Variants in ANKRD26 observed in about 807,000 individuals in gnomAD.
The protein encoded by ANKRD26 is ankyrin repeat domain-containing protein 26.
Under a neutral mutation model 208.7 loss-of-function variants are expected in ANKRD26, and 141 were observed. The observed-to-expected ratio is 0.68, with a 90% CI of 0.59 to 0.78. The LOEUF is 0.78. Among genes scored for constraint, ANKRD26 ranks in the 30% least tolerant of loss-of-function variants. The probability of loss-of-function intolerance (pLI) is 0.00; values close to 1 mark genes in which losing one functional copy is unlikely to be tolerated. For missense variants in ANKRD26, 1,889 were observed against 1,938.7 expected (o/e 0.97, Z 0.48); for synonymous variants, 636 against 660.4 (o/e 0.96, Z 0.57).
the ANKRD26 span, among the ~76,000 whole-genome samples, chr10:26,950,005 T>G: frequency 6.6e-6 from 1 of 152,236 alleles, no homozygotes; most frequent in African/African-American, 2.4e-5. Flanking sequence ...GCATTCTGCA[T>G]TTTTCTGATT....
At chr10:27,000,652 T>C (rs1435093634), downstream of ANKRD26, among the ~76,000 whole-genome samples, 1 of 152,062 alleles carries the variant, frequency 6.6e-6, no homozygotes, top group African/African-American at 2.4e-5. Context: ...GAATCAAAAG[T>C]ATCAAATAAC....
At chr10:27,027,453 G>A (rs1029858251) in intron 27 of ANKRD26, among the ~76,000 whole-genome samples, 4 of 152,116 alleles carry the variant, frequency 2.6e-5, no homozygotes, top group Admixed American at 2.6e-4. Context: ...TCAGACAATT[G>A]TACACCATAT....
intron 11 of ANKRD26, among the ~76,000 whole-genome samples, chr10:27,065,461 C>T (rs1319725721): frequency 6.6e-6 from 1 of 152,024 alleles, no homozygotes; most frequent in Non-Finnish European, 1.5e-5. Flanking sequence ...AAACTTATAC[C>T]CCAAATTAGA....
chr10:27,028,422 C>T (rs1256362214), intron 27 of ANKRD26, among the ~76,000 whole-genome samples: 1 of 151,692 alleles, frequency 6.6e-6, no homozygotes, highest in Non-Finnish European at 1.5e-5. Flanking sequence ...CGGTGAAACC[C>T]TGTCTCTACT....
chr10:26,958,452 C>G, the ANKRD26 span, among the ~76,000 whole-genome samples: 1 of 152,098 alleles, frequency 6.6e-6, no homozygotes, highest in African/African-American at 2.4e-5. Flanking sequence ...CTCCCCTTAA[C>G]CCCCTACAGG....
rs758118059 is a variant in ANKRD26, at chr10:27,017,655, T to C, written c.4353A>G (p.Lys1451=). ...QKKCEKLQKN[K]KKLEQEVINL... is the part of the protein sequence containing the mutation. ...TGATCACTTCTTGTTCCAACTTCTT[T>C]TTATTCTTCTGTAGTTTTTCACATT... The change falls in exon 30 of 34, where the codon AAA becomes AAG. Residue 1451 remains lysine, a synonymous_variant. Coordinates refer to ENST00000376087, the MANE Select transcript of ANKRD26 (RefSeq NM_014915.3). The C allele has an allele frequency of 6.2e-7, 1 of 1,613,664 alleles. No homozygotes were observed. Among genetic ancestry groups the C allele is most frequent in the Non-Finnish European group, 8.5e-7 (1 of 1,179,852 alleles).
chr10:27,008,877 T>C (rs922786125), intron 32 of ANKRD26, among the ~76,000 whole-genome samples: 1 of 152,194 alleles, frequency 6.6e-6, no homozygotes, highest in Admixed American at 6.5e-5. Context: ...TCTCACTCTG[T>C]TGCCCAGGCT....
chr10:27,003,843 T>C (rs2052781748), downstream of ANKRD26, among the ~76,000 whole-genome samples: 2 of 152,220 alleles, frequency 1.3e-5, no homozygotes, highest in Non-Finnish European at 2.9e-5. Flanking sequence ...ACTCAGGAAC[T>C]ATCCCAGATA....
In ANKRD26 at chr10:27,005,223, G is replaced by C; in HGVS notation, c.*367C>G. 1 of 1,007,166 alleles carries C rather than the reference G, an allele frequency of 9.9e-7. No homozygotes were observed. 62.4% of individuals were successfully genotyped at this position (1,007,166 alleles called of 1,614,324 possible). On this transcript the variant is annotated 3_prime_UTR_variant, in exon 34 of 34. Transcript: ENST00000376087. ...AACATGAACAATGACCACAGTTCCT[G>C]CACAACAAAATGATGTCTAAGTCCA... is the stretch of plus-strand genomic sequence containing the variant.
intron 4 of ANKRD26, among the ~76,000 whole-genome samples, chr10:26,995,617 C>T (rs961492311): frequency 3.9e-5 from 6 of 152,182 alleles, no homozygotes; most frequent in African/African-American, 9.7e-5. Flanking sequence ...ACCCTTTAAA[C>T]GTTGATTTTT....
At chr10:27,068,688 T>C (rs1174025877) in intron 9 of ANKRD26, among the ~76,000 whole-genome samples, 1 of 151,924 alleles carries the variant, frequency 6.6e-6, no homozygotes, top group Non-Finnish European at 1.5e-5. Context: ...GGGGATCCAG[T>C]CAGTAAGCAG....
At chr10:27,076,642 C>T (rs1250348452) in intron 9 of ANKRD26, among the ~76,000 whole-genome samples, 1 of 151,858 alleles carries the variant, frequency 6.6e-6, no homozygotes, top group African/African-American at 2.4e-5. Flanking sequence ...CAAATAAGCT[C>T]AAGTAGGAAT....
At chr10:27,039,886 G>A in intron 21 of ANKRD26, 79 bp downstream of exon 21, 1 of 1,366,638 alleles carries the variant, frequency 7.3e-7, no homozygotes, top group Non-Finnish European at 1.0e-6. Flanking sequence ...AGCCCCAGAA[G>A]ATAAGTCAGC....
chr10:27,014,278 G>A (rs976578373), intron 31 of ANKRD26, among the ~76,000 whole-genome samples: 5 of 150,160 alleles, frequency 3.3e-5, no homozygotes, highest in Non-Finnish European at 7.4e-5. Flanking sequence ...GAATATTAAC[G>A]GAAAAGCCAT....
At chr10:27,063,657 A>C (rs1044886008) in intron 12 of ANKRD26, among the ~76,000 whole-genome samples, 2 of 152,062 alleles carry the variant, frequency 1.3e-5, no homozygotes. Context: ...CATTACATAC[A>C]CTTGCTTCTT....
the ANKRD26 span, among the ~76,000 whole-genome samples, chr10:26,950,327 G>T: frequency 2.0e-5 from 3 of 152,328 alleles, no homozygotes; most frequent in African/African-American, 4.8e-5. Flanking sequence ...TGTGATGATT[G>T]TAAGTTTCCT....
intron 23 of ANKRD26, 125 bp from the exon 24 acceptor site, chr10:27,035,877 GA>G (rs200016821): frequency 0.015 from 7,634 of 524,568 alleles, 1 homozygote; most frequent in Middle Eastern, 0.024. Flanking sequence ...ATATCCAATT[GA>G]AAAAAAAAAA....
intron 33 of ANKRD26, among the ~76,000 whole-genome samples, chr10:27,006,112 C>T (rs1169296974): frequency 6.6e-6 from 1 of 152,160 alleles, no homozygotes; most frequent in Non-Finnish European, 1.5e-5. Flanking sequence ...AGACAGGGCA[C>T]TACTGGAACA....
In ANKRD26 at chr10:27,005,024, C is replaced by T. The variant is rs149300287; in HGVS notation, c.*566G>A. The T allele has an allele frequency of 7.3e-5, 72 of 983,694 alleles. No individual in the cohort carries two copies. The African/African-American group carries it at 8.7e-4, about 12-fold the overall frequency. The allele number at this position is 983,694 out of a possible 1,614,324, so 60.9% of individuals were successfully genotyped here. A position where few individuals can be genotyped will look rare whatever the true frequency, so the allele number is the denominator to read the frequency against. ...GGAGAAAGTCTTTGTACTAAAACTTCGAAATTTTCTCTAAACTGAAGGCTA... is the reference window on the plus strand; with the variant it reads ...GGAGAAAGTCTTTGTACTAAAACTTTGAAATTTTCTCTAAACTGAAGGCTA... On this transcript the variant is annotated 3_prime_UTR_variant, in exon 34 of 34. Coordinates refer to ENST00000376087, the MANE Select transcript of ANKRD26 (RefSeq NM_014915.3).
Sources: gnomAD v4.1 joint callset for allele counts (sites outside exome capture counted in the v4.1 genomes callset) on GRCh38, gnomAD v4.1.1 for gene constraint, MANE v1.5 for transcripts, NCBI Gene and HGNC (gene_info 2026-07-23, HGNC 2026-07-21) for gene names.